Variants in DAPK1 observed in about 807,000 individuals in gnomAD.
The protein encoded by DAPK1 is death associated protein kinase 1, also known as death-associated protein kinase 1.
In DAPK1, 56 loss-of-function variants were observed where a neutral mutation model predicts 144.9. The ratio of observed to expected loss-of-function variants is 0.39; its 90% CI spans 0.31 to 0.48. The LOEUF (loss-of-function observed/expected upper bound fraction) is 0.48. Among genes scored for constraint, DAPK1 ranks in the 20% least tolerant of loss-of-function variants. DAPK1 has a pLI of 0.95. For synonymous variants in DAPK1, 690 were observed against 749.0 expected (o/e 0.92, Z 1.29); for missense variants, 1,454 against 1,875.4 (o/e 0.78, Z 4.15).
At chr9:87,679,394 A>G (rs1824519234) in intron 19 of DAPK1, among the ~76,000 whole-genome samples, 1 of 152,004 alleles carries the variant, frequency 6.6e-6, no homozygotes, top group Admixed American at 6.5e-5. Context: ...TTCAGGCTGC[A>G]CCTCACGGCT....
chr9:87,613,457 A>G (rs1228878674), intron 3 of DAPK1, among the ~76,000 whole-genome samples: 2 of 152,200 alleles, frequency 1.3e-5, no homozygotes, highest in African/African-American at 4.8e-5. Flanking sequence ...CATTTGTGCA[A>G]TATTAGGTCA....
chr9:87,503,677 G>A (rs1824490222), intron 2 of DAPK1, among the ~76,000 whole-genome samples: 1 of 152,150 alleles, frequency 6.6e-6, no homozygotes, highest in African/African-American at 2.4e-5. Flanking sequence ...GAATATGTAT[G>A]TATTAGGGCC....
At chr9:87,505,355 A>G (rs1261928054) in intron 2 of DAPK1, among the ~76,000 whole-genome samples, 3 of 152,166 alleles carry the variant, frequency 2.0e-5, no homozygotes, top group Non-Finnish European at 2.9e-5. Flanking sequence ...TACCCCAGAG[A>G]GCTCAGGGAC....
intron 11 of DAPK1, among the ~76,000 whole-genome samples, 199 bp from the exon 12 acceptor site, chr9:87,645,695 GT>G (rs1830241645): frequency 6.6e-6 from 1 of 152,204 alleles, no homozygotes; most frequent in South Asian, 2.1e-4. Flanking sequence ...CAGATAAAGA[GT>G]AGATAGTGCT....
intron 2 of DAPK1, among the ~76,000 whole-genome samples, chr9:87,533,407 T>C (rs560997217): frequency 6.6e-6 from 1 of 152,284 alleles, no homozygotes; most frequent in Non-Finnish European, 1.5e-5. Context: ...GGAGTGTTCA[T>C]GTGTTCACAG....
chr9:87,612,945 A>G (rs1465995737), intron 3 of DAPK1, among the ~76,000 whole-genome samples: 1 of 152,236 alleles, frequency 6.6e-6, no homozygotes, highest in African/African-American at 2.4e-5. Context: ...TAAGATGGCC[A>G]AGTAAGTATT....
intron 1 of DAPK1, chr9:87,498,421 G>C (rs1477203538): frequency 6.4e-6 from 2 of 313,506 alleles, no homozygotes; most frequent in African/African-American, 2.2e-5. Flanking sequence ...CCGCACGCCG[G>C]GTCGGCCGGG....
In DAPK1 at chr9:87,706,886, TG is replaced by T. The variant is rs779681511; in HGVS notation, c.3822del (p.Tyr1275ThrfsTer31). Reference protein sequence around the residue: ...TLKETSLTNTMGGYKESFSSI... With the variant: ...TLKETSLTNTXGGYKESFSSI... Reference sequence around the variant, plus strand: ...AAGGAAACCTCACTGACCAACACCATGGGGGGGTACAAGGAAAGCTTCAGCA... The same window carrying T: ...AAGGAAACCTCACTGACCAACACCATGGGGGGTACAAGGAAAGCTTCAGCA... On this transcript the variant is annotated frameshift_variant, in exon 26 of 26. Transcript: ENST00000408954. LOFTEE classifies it high-confidence loss of function. This position sits in a 1 kb window ranked among gnomAD's most constrained non-coding sequence, Gnocchi z 9.0. The T allele has an allele frequency of 1.9e-6, 3 of 1,613,662 alleles. No homozygotes were observed. The highest frequency in any genetic ancestry group is 2.5e-6 in the Non-Finnish European group (3 of 1,179,934).
chr9:87,689,341 T>C (rs1824974118), intron 21 of DAPK1, among the ~76,000 whole-genome samples: 1 of 152,170 alleles, frequency 6.6e-6, no homozygotes, highest in African/African-American at 2.4e-5. Context: ...ACTGTAGACC[T>C]TTGCCCACTT....
intron 2 of DAPK1, among the ~76,000 whole-genome samples, chr9:87,602,638 T>G (rs1828564856): frequency 6.6e-6 from 1 of 152,186 alleles, no homozygotes; most frequent in East Asian, 1.9e-4. Context: ...TCTTTTTTTT[T>G]TCTTTTTCCC....
chr9:87,697,808 G>T (rs1825312883), intron 22 of DAPK1, among the ~76,000 whole-genome samples: 1 of 152,168 alleles, frequency 6.6e-6, no homozygotes. Flanking sequence ...CAAAAACTTA[G>T]CCAGGTGTGG....
chr9:87,643,338 C>T, intron 10 of DAPK1, 38 bp from the exon 11 acceptor site: 1 of 1,260,300 alleles, frequency 7.9e-7, no homozygotes, highest in East Asian at 2.5e-5. Context: ...TTTTTCCTCC[C>T]CGCCCTCCCT....
intron 15 of DAPK1, among the ~76,000 whole-genome samples, chr9:87,649,382 G>A (rs1379341031): frequency 6.6e-6 from 1 of 152,218 alleles, no homozygotes; most frequent in African/African-American, 2.4e-5. Flanking sequence ...ACTTGTTCAA[G>A]TGTGGCTCTC....
At chr9:87,671,618 A>G (rs1312532779) in intron 19 of DAPK1, among the ~76,000 whole-genome samples, 1 of 151,800 alleles carries the variant, frequency 6.6e-6, no homozygotes, top group African/African-American at 2.4e-5. Context: ...CTCTTGCCTC[A>G]GCCTCCCAAG....
At chr9:87,575,253 A>C (rs1472704957) in intron 2 of DAPK1, among the ~76,000 whole-genome samples, 3 of 126,616 alleles carry the variant, frequency 2.4e-5, no homozygotes, top group Non-Finnish European at 3.4e-5. Flanking sequence ...AAATAAAATA[A>C]AATAAAATAA....
chr9:87,588,535 G>T lies in DAPK1; in HGVS notation c.63-16419G>T, dbSNP rs190781486. ...ATGACCATGCTGAGACTCAGCAAAG[G>T]TTGTGAGGATCAGCTTTCACAGATG... On this transcript the variant is annotated intron_variant, in intron 2 of 25. Transcript: ENST00000408954. 7.2e-4 allele frequency among the ~76,000 whole-genome samples: 110 copies of T among 152,288 alleles called. 1 individual carries two copies. Among genetic ancestry groups the T allele is most frequent in the African/African-American group, 2.5e-3 (105 of 41,562 alleles).
intron 18 of DAPK1, among the ~76,000 whole-genome samples, chr9:87,660,628 G>T (rs187563528): frequency 5.5e-4 from 84 of 151,928 alleles, no homozygotes; most frequent in African/African-American, 2.0e-3. Context: ...TCCTCCACGC[G>T]CTTCCCTCCC....
chr9:87,558,140 C>A (rs1563992739), intron 2 of DAPK1, among the ~76,000 whole-genome samples: 1 of 152,106 alleles, frequency 6.6e-6, no homozygotes, highest in Non-Finnish European at 1.5e-5. Flanking sequence ...ACAGTCCTGT[C>A]ATCTTGCCAG....
At chr9:87,638,869 A>G (rs546302064) in intron 4 of DAPK1, among the ~76,000 whole-genome samples, 4 of 152,340 alleles carry the variant, frequency 2.6e-5, no homozygotes, top group Admixed American at 2.6e-4. Context: ...GGCTTGTTGC[A>G]AATACCTGTG....
Sources: gnomAD v4.1 joint callset for allele counts (sites outside exome capture counted in the v4.1 genomes callset) on GRCh38, gnomAD v4.1.1 for gene constraint, Gnocchi (gnomAD v3.1) non-coding constraint, MANE v1.5 for transcripts, NCBI Gene and HGNC (gene_info 2026-07-23, HGNC 2026-07-21) for gene names.